The following TRPC4 variants were observed in gnomAD, a reference collection of about 807,000 sequenced individuals.
TRPC4 encodes short transient receptor potential channel 4.
In TRPC4, 49 loss-of-function variants were observed where a neutral mutation model predicts 99.4. That is an observed-to-expected ratio of 0.49 (90% CI 0.39 to 0.63). The LOEUF is 0.63. TRPC4 is among the 20% of genes least tolerant of loss of function. The pLI is 0.00. For synonymous variants in TRPC4, 454 were observed against 425.9 expected (o/e 1.07, Z -0.81); for missense variants, 898 against 1,152.9 (o/e 0.78, Z 3.20).
chr13:37,671,141 T>C (rs935599268), intron 5 of TRPC4, among the ~76,000 whole-genome samples: 1 of 152,224 alleles, frequency 6.6e-6, no homozygotes. Context: ...TAAATGCTTA[T>C]TGATTTGATT....
In TRPC4 at chr13:37,673,470, A is replaced by AT. The variant is rs5802892; in HGVS notation, c.1374+757dup. ...TGTCACACCCAATTAGATATTCTTT[A>AT]TTTTTTTTTTTTTACCAATTAACTA... On this transcript the variant is annotated intron_variant, in intron 5 of 10. Transcript: ENST00000379705. Among the ~76,000 whole-genome samples, 779 of 149,280 alleles carry AT rather than the reference A, an allele frequency of 5.2e-3. 9 individuals are homozygous for AT. The highest frequency in any genetic ancestry group is 0.018 in the African/African-American group (752 of 40,884).
At chr13:37,709,877 T>C (rs1044440209) in intron 3 of TRPC4, among the ~76,000 whole-genome samples, 2 of 151,990 alleles carry the variant, frequency 1.3e-5, no homozygotes, top group Non-Finnish European at 2.9e-5. Context: ...AATAAACATA[T>C]GAATAGTAAC....
At chr13:37,824,185 G>T (rs1958124872) in intron 1 of TRPC4, among the ~76,000 whole-genome samples, 1 of 150,538 alleles carries the variant, frequency 6.6e-6, no homozygotes, top group Admixed American at 6.7e-5. Flanking sequence ...GAGACAATGG[G>T]GTTTTCTAGA....
intron 1 of TRPC4, among the ~76,000 whole-genome samples, chr13:37,867,694 T>C (rs1168619166): frequency 6.6e-6 from 1 of 152,090 alleles, no homozygotes; most frequent in African/African-American, 2.4e-5. Flanking sequence ...GTGAAGTTTA[T>C]AACAACATCT....
At chr13:37,637,758 A>G (rs1439131608) in intron 10 of TRPC4, 133 bp from the exon 11 acceptor site, 2 of 870,568 alleles carry the variant, frequency 2.3e-6, no homozygotes, top group Non-Finnish European at 3.4e-6. Context: ...CTGTGGTTCT[A>G]TTTAGAATTC....
intron 2 of TRPC4, among the ~76,000 whole-genome samples, chr13:37,750,099 T>C (rs181244304): frequency 5.5e-4 from 83 of 152,246 alleles, no homozygotes; most frequent in Middle Eastern, 3.4e-3. Flanking sequence ...AAATATGTAC[T>C]CTTTATGTCT....
At chr13:37,855,296 G>GATATATATATATATAT (rs139637183) in intron 1 of TRPC4, among the ~76,000 whole-genome samples, 7 of 140,438 alleles carry the variant, frequency 5.0e-5, no homozygotes, top group African/African-American at 1.9e-4. Flanking sequence ...ATACAATGTA[G>GATATATATATATATAT]ATATATATAT....
chr13:37,743,981 G>A (rs1555265440), intron 3 of TRPC4, among the ~76,000 whole-genome samples: 1 of 152,150 alleles, frequency 6.6e-6, no homozygotes, highest in Non-Finnish European at 1.5e-5. Context: ...TGGCTGCAGA[G>A]AGACCTAAAG....
intron 8 of TRPC4, 21 bp from the exon 9 acceptor site, chr13:37,639,320 C>A (rs1413205568): frequency 1.3e-5 from 21 of 1,612,406 alleles, no homozygotes; most frequent in Non-Finnish European, 1.8e-5. Flanking sequence ...AAAGGACATT[C>A]CTTTCTGGTT....
intron 2 of TRPC4, among the ~76,000 whole-genome samples, chr13:37,777,360 C>T (rs73168499): frequency 6.6e-4 from 100 of 151,812 alleles, no homozygotes; most frequent in African/African-American, 2.3e-3. Flanking sequence ...CACACGGCAG[C>T]GGGAGAGAGA....
intron 1 of TRPC4, among the ~76,000 whole-genome samples, chr13:37,789,360 C>A (rs1197505737): frequency 6.6e-6 from 1 of 152,156 alleles, no homozygotes; most frequent in African/African-American, 2.4e-5. Context: ...AGCATCATAG[C>A]CCCTGATGAT....
At chr13:37,764,832 T>A (rs1956318882) in intron 2 of TRPC4, among the ~76,000 whole-genome samples, 1 of 148,590 alleles carries the variant, frequency 6.7e-6, no homozygotes, top group Non-Finnish European at 1.5e-5. Flanking sequence ...TTTTTTTGCA[T>A]CTAGTGAGAA....
chr13:37,663,278 A>T, intron 6 of TRPC4, 138 bp downstream of exon 6: 1 of 686,940 alleles, frequency 1.5e-6, no homozygotes, highest in Non-Finnish European at 2.3e-6. Flanking sequence ...AAGCCATGTT[A>T]ATTCTGTTTT....
intron 4 of TRPC4, among the ~76,000 whole-genome samples, chr13:37,689,534 A>T (rs942114363): frequency 6.6e-6 from 1 of 152,242 alleles, no homozygotes; most frequent in Non-Finnish European, 1.5e-5. Flanking sequence ...ATCTCTTTTC[A>T]TCCTAAAATT....
chr13:37,732,042 A>G (rs1955254431), intron 3 of TRPC4, among the ~76,000 whole-genome samples: 1 of 152,140 alleles, frequency 6.6e-6, no homozygotes, highest in Non-Finnish European at 1.5e-5. Context: ...AGAAAAAACA[A>G]TGTAGCATTA....
intron 1 of TRPC4, among the ~76,000 whole-genome samples, chr13:37,820,518 A>G (rs911806610): frequency 5.3e-5 from 8 of 152,114 alleles, no homozygotes; most frequent in Admixed American, 3.3e-4. Flanking sequence ...TCCTTGTCAA[A>G]TATAGATGCA....
Position 37,692,314 on chromosome 13 carries a change from G to C in TRPC4, c.919C>G (p.Gln307Glu). The change falls in exon 4 of 11, where the codon CAA becomes GAA. Residue 307 changes from glutamine (Q) to glutamate (E), a missense_variant. Physicochemically the swap from Gln to Glu is conservative, Grantham distance 29. This residue lies in a region of TRPC4 where 274 missense variants were observed against 454.9 expected (regional missense o/e 0.60). Coordinates refer to ENST00000379705, the MANE Select transcript of TRPC4 (RefSeq NM_016179.4). ...QKEFVAQPNC[Q>E]QLLASRWYDE... ...TACCAGCGAGATGCCAGCAGCTGTT[G>C]ACAATTGGGCTGGGCAACAAACTAA... 1 of 1,613,818 alleles carries C rather than the reference G, an allele frequency of 6.2e-7. No individual in the cohort carries two copies. Among genetic ancestry groups the C allele is most frequent in the Non-Finnish European group, 8.5e-7 (1 of 1,179,838 alleles).
At chr13:37,733,060 C>A (rs1368982019) in intron 3 of TRPC4, among the ~76,000 whole-genome samples, 1 of 152,152 alleles carries the variant, frequency 6.6e-6, no homozygotes, top group Non-Finnish European at 1.5e-5. Flanking sequence ...ATTGCTTGAG[C>A]TCAGGAGTTT....
intron 5 of TRPC4, 111 bp downstream of exon 5, chr13:37,674,117 C>T (rs760721237): frequency 8.1e-5 from 83 of 1,028,522 alleles, no homozygotes; most frequent in African/African-American, 1.7e-4. Flanking sequence ...CTGATGAATA[C>T]GACATCCGGA....
Sources: gnomAD v4.1 joint callset for allele counts (sites outside exome capture counted in the v4.1 genomes callset) on GRCh38, gnomAD v4.1.1 for gene constraint, gnomAD v4.1.1 regional missense constraint, MANE v1.5 for transcripts, NCBI Gene and HGNC (gene_info 2026-07-23, HGNC 2026-07-21) for gene names.